Variants in FRMD4A observed in about 807,000 individuals in gnomAD.
The protein encoded by FRMD4A is FERM domain containing 4A.
In FRMD4A, 29 loss-of-function variants were observed where a neutral mutation model predicts 129.1. That is an observed-to-expected ratio of 0.22 (90% CI 0.17 to 0.31). FRMD4A has a LOEUF of 0.31. FRMD4A is among the 10% of genes least tolerant of loss of function. The probability of loss-of-function intolerance (pLI) is 1.00; values close to 1 mark genes in which losing one functional copy is unlikely to be tolerated. For missense variants in FRMD4A, 1,272 were observed against 1,375.8 expected (o/e 0.92, Z 1.19); for synonymous variants, 634 against 571.6 (o/e 1.11, Z -1.56).
chr10:14,022,376 A>G (rs934286559), intron 2 of FRMD4A, among the ~76,000 whole-genome samples: 7 of 152,224 alleles, frequency 4.6e-5, no homozygotes, highest in Admixed American at 4.6e-4. Flanking sequence ...ACCAGTTTGG[A>G]GTGGGGAACT....
At chr10:14,309,382 C>T (rs182566588) in intron 2 of FRMD4A, among the ~76,000 whole-genome samples, 7 of 152,124 alleles carry the variant, frequency 4.6e-5, no homozygotes, top group East Asian at 1.9e-4. Context: ...CCAAGGAGGT[C>T]GAGGCTGCAG....
At chr10:14,071,609 G>T (rs1449750568) in intron 2 of FRMD4A, among the ~76,000 whole-genome samples, 2 of 152,128 alleles carry the variant, frequency 1.3e-5, no homozygotes, top group Non-Finnish European at 2.9e-5. Context: ...AGATAAAGAG[G>T]TGGAGATGGG....
chr10:13,892,578 A>T (rs2094713370), intron 2 of FRMD4A, among the ~76,000 whole-genome samples: 1 of 152,134 alleles, frequency 6.6e-6, no homozygotes, highest in Non-Finnish European at 1.5e-5. Flanking sequence ...TTGCTCTTAG[A>T]CACATTTTTT....
At chr10:13,651,619 G>GCCGA (rs1051529357) in intron 24 of FRMD4A, 112 of 340,562 alleles carry the variant, frequency 3.3e-4, no homozygotes, top group African/African-American at 2.3e-3. Flanking sequence ...GTTGCAGTGA[G>GCCGA]CCGAGATCAT....
At chr10:13,652,218 C>G in intron 23 of FRMD4A, 1 of 559,142 alleles carries the variant, frequency 1.8e-6, no homozygotes, top group South Asian at 2.2e-5. Flanking sequence ...TGTATCACAT[C>G]ATAGCAAACA....
rs548641135 is a variant in FRMD4A at position 14,299,456 on chromosome 10, A to G, written c.45+30602T>C. On this transcript the variant is annotated intron_variant, in intron 2 of 24. Transcript: ENST00000357447. ...CTGCTATAGCCTGGTACTTCACTTAATATTTATAAGGACCCACATAATGCA... is the reference window on the plus strand; with the variant it reads ...CTGCTATAGCCTGGTACTTCACTTAGTATTTATAAGGACCCACATAATGCA... Among the ~76,000 whole-genome samples the G allele has an allele frequency of 7.4e-4, 113 of 152,276 alleles. No homozygotes were observed. The Middle Eastern group carries it at 0.01, about 14-fold the overall frequency.
chr10:14,237,606 C>G (rs1307032063), intron 2 of FRMD4A, among the ~76,000 whole-genome samples: 1 of 152,180 alleles, frequency 6.6e-6, no homozygotes, highest in Non-Finnish European at 1.5e-5. Flanking sequence ...GCTCGGATTA[C>G]AGACGTGAGC....
At chr10:14,131,392 C>T (rs1839242172) in intron 2 of FRMD4A, among the ~76,000 whole-genome samples, 1 of 137,934 alleles carries the variant, frequency 7.2e-6, no homozygotes, top group African/African-American at 2.9e-5. Context: ...GCCCAACTCA[C>T]TGTGCCCCCC....
chr10:14,218,412 C>G (rs1309635657), intron 2 of FRMD4A, among the ~76,000 whole-genome samples: 3 of 152,226 alleles, frequency 2.0e-5, no homozygotes, highest in Non-Finnish European at 4.4e-5. Flanking sequence ...GATTAACCCA[C>G]TAGCTTTCAG....
At chr10:13,963,841 C>T (rs897063219) in intron 2 of FRMD4A, among the ~76,000 whole-genome samples, 2 of 152,138 alleles carry the variant, frequency 1.3e-5, no homozygotes, top group African/African-American at 2.4e-5. Flanking sequence ...CTGTGGTCTC[C>T]AGACAGCCAG....
At chr10:14,091,388 G>A (rs1836653759) in intron 2 of FRMD4A, among the ~76,000 whole-genome samples, 1 of 152,062 alleles carries the variant, frequency 6.6e-6, no homozygotes, top group African/African-American at 2.4e-5. Context: ...TTTAAAGAGT[G>A]TCTTTTCCTG....
At chr10:14,199,374 G>C (rs1253516459) in intron 2 of FRMD4A, among the ~76,000 whole-genome samples, 1 of 151,500 alleles carries the variant, frequency 6.6e-6, no homozygotes, top group African/African-American at 2.4e-5. Flanking sequence ...CTGGAGTGCA[G>C]TGGCGTGATC....
At chr10:13,994,182 T>C (rs1462456967) in intron 2 of FRMD4A, among the ~76,000 whole-genome samples, 19 of 74,148 alleles carry the variant, frequency 2.6e-4, no homozygotes, top group Non-Finnish European at 5.2e-4. Context: ...CTAATTTTTT[T>C]TTTTTTTTTT....
At chr10:13,678,929 A>G (rs2084237717) in intron 15 of FRMD4A, among the ~76,000 whole-genome samples, 3 of 152,124 alleles carry the variant, frequency 2.0e-5, no homozygotes, top group Admixed American at 6.6e-5. Flanking sequence ...TCCTCCCTCT[A>G]GCTATTTGAA....
At position 13,971,135 on chromosome 10, in the gene FRMD4A, C is replaced by T. The variant is rs188957414; in HGVS notation, c.46-112223G>A. Among the ~76,000 whole-genome samples, 291 of 152,206 alleles carry T rather than the reference C, an allele frequency of 1.9e-3. 2 individuals are homozygous for T. Among genetic ancestry groups the T allele is most frequent in the Middle Eastern group, 6.9e-3 (2 of 290 alleles). ...GCACACATGCACACACGCACGCACG[C>T]GCTCACACACATGCATGCATACTCA... On this transcript the variant is annotated intron_variant, in intron 2 of 24. Coordinates refer to ENST00000357447, the MANE Select transcript of FRMD4A (RefSeq NM_018027.5).
Position 13,704,056 on chromosome 10 carries a change from C to T in FRMD4A, c.837-2578G>A, listed in dbSNP as rs34869180. 4.8e-3 allele frequency among the ~76,000 whole-genome samples: 737 copies of T among 152,218 alleles called. 3 individuals carry two copies. The highest frequency in any genetic ancestry group is 0.037 in the Middle Eastern group (11 of 294). Reference sequence around the variant, plus strand: ...AAAACACTCAAGGCCATGGATACCCCACGTACCCTGCCTTGATCATTCCAT... The same window carrying T: ...AAAACACTCAAGGCCATGGATACCCTACGTACCCTGCCTTGATCATTCCAT... On this transcript the variant is annotated intron_variant, in intron 13 of 24. Coordinates refer to ENST00000357447, the MANE Select transcript of FRMD4A (RefSeq NM_018027.5).
chr10:14,093,400 T>C (rs559078962), intron 2 of FRMD4A, among the ~76,000 whole-genome samples: 7 of 152,088 alleles, frequency 4.6e-5, no homozygotes, highest in African/African-American at 7.2e-5. Context: ...AAACATTGAG[T>C]TTAAAAGGAA....
chr10:14,081,603 A>G (rs1835933115), intron 2 of FRMD4A, among the ~76,000 whole-genome samples: 1 of 152,242 alleles, frequency 6.6e-6, no homozygotes, highest in African/African-American at 2.4e-5. Context: ...TCTCATGGAA[A>G]ATATGAAAGT....
At chr10:13,948,138 G>A (rs1432533171) in intron 2 of FRMD4A, among the ~76,000 whole-genome samples, 2 of 151,394 alleles carry the variant, frequency 1.3e-5, no homozygotes, top group Non-Finnish European at 2.9e-5. Flanking sequence ...AAATGGACTT[G>A]TAATAAATAA....
Sources: gnomAD v4.1 joint callset for allele counts (sites outside exome capture counted in the v4.1 genomes callset) on GRCh38, gnomAD v4.1.1 for gene constraint, MANE v1.5 for transcripts, NCBI Gene and HGNC (gene_info 2026-07-23, HGNC 2026-07-21) for gene names.